C1orf167: variants seen among roughly 807,000 people sequenced by gnomAD.
C1orf167 encodes uncharacterized protein C1orf167.
Under a neutral mutation model 176.5 loss-of-function variants are expected in C1orf167, and 153 were observed. That is an observed-to-expected ratio of 0.87 (90% CI 0.76 to 0.99). The LOEUF (loss-of-function observed/expected upper bound fraction) is 0.99. C1orf167 is among the 50% of genes least tolerant of loss of function. The pLI, the probability that C1orf167 is intolerant of heterozygous loss-of-function variation, is 0.00. For synonymous variants in C1orf167, 594 were observed against 752.7 expected, an observed-to-expected ratio of 0.79 and a Z score of 3.45; for missense variants, 1,490 against 1,817.7, an observed-to-expected ratio of 0.82 and a Z score of 3.28.
chr1:11,783,833 C>G (rs776885047), intron 14 of C1orf167, among the ~76,000 whole-genome samples: 60 of 152,068 alleles, frequency 3.9e-4, no homozygotes, highest in Admixed American at 7.9e-4. Context: ...GAGACAAGCC[C>G]TCCCATGCAT....
At chr1:11,775,698 G>A (rs2100328338) in intron 9 of C1orf167, 88 bp downstream of exon 9, 1 of 1,232,708 alleles carries the variant, frequency 8.1e-7, no homozygotes, top group Non-Finnish European at 1.0e-6. Flanking sequence ...GAATTCTTGT[G>A]GGAGGTGATA....
rs1256410018 is a variant in C1orf167, at chr1:11,780,024, TGGTC to T, written c.2860+17_2860+20del. 4 of 1,262,730 alleles carry T rather than the reference TGGTC, an allele frequency of 3.2e-6. No homozygotes were observed. Among genetic ancestry groups the T allele is most frequent in the East Asian group, 5.8e-5 (1 of 17,386 alleles). 78.2% of individuals were successfully genotyped at this position (1,262,730 alleles called of 1,614,324 possible). ...CCTGTTGGCAGGGTGAGTGGAGACT[TGGTC>T]GGGGGCACTGCGGGTGAGGGCAGGG... On this transcript the variant is annotated intron_variant, in intron 13 of 20. Transcript: ENST00000688073.
chr1:11,789,192 G>A lies in C1orf167; in HGVS notation c.4174-78G>A, dbSNP rs374660279. ...CTGGGGACAAAAGGAGCTGGGTACAGGGGTTGCTCTAGCAGGCACAGCACA... is the reference window on the plus strand; with the variant it reads ...CTGGGGACAAAAGGAGCTGGGTACAAGGGTTGCTCTAGCAGGCACAGCACA... On this transcript the variant is annotated intron_variant, in intron 20 of 20. Coordinates refer to ENST00000688073, the MANE Select transcript of C1orf167 (RefSeq NM_001010881.2). The A allele has an allele frequency of 3.9e-4, 483 of 1,245,524 alleles. 1 individual carries two copies. In the African/African-American group the frequency reaches 7.2e-3, roughly 19 times the overall value. 77.2% of individuals were successfully genotyped at this position (1,245,524 alleles called of 1,614,324 possible). A position where few individuals can be genotyped will look rare whatever the true frequency, so the allele number is the denominator to read the frequency against.
In C1orf167 at chr1:11,788,154, G is replaced by A. The variant is rs886045179; in HGVS notation, c.3854G>A (p.Arg1285His). ...SKAHKRRLRA[R>H]SCRILEKQAQ... is the part of the protein sequence containing the mutation. ...GCTGGGCCCTCTCTGGCCAGTGCTC[G>A]TTCCTGCAGGATCCTGGAAAAGCAG... Residue 1285 changes from arginine to histidine, a missense_variant, in exon 19 of 21, where the codon CGT (arginine) becomes CAT (histidine). By Grantham distance (29) the Arg-to-His change is conservative (BLOSUM62 0). Coordinates refer to ENST00000688073, the MANE Select transcript of C1orf167 (RefSeq NM_001010881.2). 66 of 1,286,474 alleles carry A rather than the reference G, an allele frequency of 5.1e-5. No individual in the cohort carries two copies. Among genetic ancestry groups the A allele is most frequent in the Admixed American group, 9.3e-5 (4 of 43,014 alleles). The allele number at this position is 1,286,474 out of a possible 1,614,324, so 79.7% of individuals were successfully genotyped here. A position where few individuals can be genotyped will look rare whatever the true frequency, so the allele number is the denominator to read the frequency against.
rs572790664 is a variant in C1orf167, at chr1:11,769,873, G to A, written c.1697+746G>A. The stretch of plus-strand genomic sequence containing the variant: ...TTTTTAGTAGAGACGGGGTTTCACC[G>A]TATTAGCCAGGACCTCAAGTGATCC... On this transcript the variant is annotated intron_variant, in intron 6 of 20. Coordinates refer to ENST00000688073, the MANE Select transcript of C1orf167 (RefSeq NM_001010881.2). Among the ~76,000 whole-genome samples the A allele has an allele frequency of 1.4e-4, 22 of 152,020 alleles. No individual in the cohort carries two copies. The South Asian group carries it at 4.4e-3, about 30-fold the overall frequency.
chr1:11,772,984 C>T (rs924288318), intron 8 of C1orf167, among the ~76,000 whole-genome samples: 2 of 150,010 alleles, frequency 1.3e-5, no homozygotes, highest in Admixed American at 6.7e-5. Context: ...CTGCAACCTC[C>T]ACCTCCTGGG....
intron 13 of C1orf167, among the ~76,000 whole-genome samples, chr1:11,781,491 C>T (rs1271080349): frequency 6.6e-6 from 1 of 152,210 alleles, no homozygotes; most frequent in Non-Finnish European, 1.5e-5. Context: ...GCAGGCAGGG[C>T]TGTGGTGGTT....
chr1:11,782,119 C>T, intron 13 of C1orf167, 70 bp from the exon 14 acceptor site: 1 of 1,171,200 alleles, frequency 8.5e-7, no homozygotes. Context: ...GAAGGGCTGG[C>T]TGCGTAGAGG....
Position 11,766,314 on chromosome 1 carries a change from C to A in C1orf167, c.528C>A (p.Thr176=). The A allele has an allele frequency of 7.8e-7, 1 of 1,288,444 alleles. No individual in the cohort carries two copies. The allele number at this position is 1,288,444 out of a possible 1,614,324, so 79.8% of individuals were successfully genotyped here. ...LRQSGLPAPG[T]PSGDFRPTEA... is the part of the protein sequence containing the mutation. ...AGTCCGGGCTGCCGGCCCCAGGCAC[C>A]CCTAGCGGGGACTTCAGGCCCACTG... The change falls in exon 3 of 21, where the codon ACC becomes ACA. Residue 176 remains threonine, a synonymous_variant. Coordinates refer to ENST00000688073, the MANE Select transcript of C1orf167 (RefSeq NM_001010881.2). The surrounding 1 kb of genome is among the most constrained non-coding windows in gnomAD (Gnocchi z 4.5).
At chr1:11,784,697 C>T in intron 15 of C1orf167, 104 bp downstream of exon 15, 1 of 1,147,736 alleles carries the variant, frequency 8.7e-7, no homozygotes, top group South Asian at 1.6e-5. Flanking sequence ...GGTGGCAGGG[C>T]AAAGGCTCAA....
intron 1 of C1orf167, among the ~76,000 whole-genome samples, 175 bp from the exon 2 acceptor site, chr1:11,764,156 G>A (rs904014175): frequency 1.3e-5 from 2 of 152,178 alleles, no homozygotes; most frequent in Admixed American, 6.5e-5. Flanking sequence ...ATGGAAAGGG[G>A]GGTGATAAGT....
intron 12 of C1orf167, chr1:11,779,505 C>T (rs1643491484): frequency 4.2e-6 from 1 of 238,398 alleles, no homozygotes; most frequent in Non-Finnish European, 8.5e-6. Context: ...TCCCCAATGC[C>T]GTGTGTGGCA....
intron 13 of C1orf167, among the ~76,000 whole-genome samples, chr1:11,781,695 G>A (rs1001202687): frequency 6.6e-6 from 1 of 152,262 alleles, no homozygotes; most frequent in South Asian, 2.1e-4. Flanking sequence ...CGGATCACGA[G>A]GTCAGGAGAT....
intron 13 of C1orf167, 86 bp downstream of exon 13, chr1:11,780,096 C>T: frequency 9.5e-7 from 1 of 1,051,826 alleles, no homozygotes; most frequent in Non-Finnish European, 1.2e-6. Context: ...TGGCCAACAA[C>T]TTGACTGTAA....
In C1orf167 at chr1:11,766,511, C is replaced by A; in HGVS notation, c.725C>A (p.Ala242Asp). 1.6e-6 allele frequency: 2 copies of A among 1,276,100 alleles called. No homozygotes were observed. Among genetic ancestry groups the A allele is most frequent in the South Asian group, 1.3e-5 (1 of 78,966 alleles). The allele number at this position is 1,276,100 out of a possible 1,614,324, so 79.0% of individuals were successfully genotyped here. Residue 242 changes from alanine to aspartate, a missense_variant, in exon 3 of 21, where the codon GCT (alanine) becomes GAT (aspartate). Physicochemically the swap from Ala to Asp is moderately radical, Grantham distance 126. Coordinates refer to ENST00000688073, the MANE Select transcript of C1orf167 (RefSeq NM_001010881.2). This position sits in a 1 kb window ranked among gnomAD's most constrained non-coding sequence, Gnocchi z 4.5. ...CGTGCTGCCGTCCACCAGCTGCTGG[C>A]TTCTGTACATTGCCTGGCGCAGGAG... The part of the protein sequence containing the change: ...PSRAAVHQLL[A>D]SVHCLAQEAA...
At position 11,788,217 on chromosome 1, in the gene C1orf167, A is replaced by C. The variant is rs1308666880; in HGVS notation, c.3917A>C (p.Lys1306Thr). 1 of 1,303,390 alleles carries C rather than the reference A, an allele frequency of 7.7e-7. No individual in the cohort carries two copies. Among genetic ancestry groups the C allele is most frequent in the South Asian group, 1.2e-5 (1 of 81,012 alleles). 80.7% of individuals were successfully genotyped at this position (1,303,390 alleles called of 1,614,324 possible). A position where few individuals can be genotyped will look rare whatever the true frequency, so the allele number is the denominator to read the frequency against. The change falls in exon 19 of 21, where the codon AAG (lysine) becomes ACG (threonine). Residue 1306 changes from lysine to threonine, a missense_variant. Lys to Thr is a moderately conservative substitution (Grantham distance 78). Transcript: ENST00000688073. ...GGCTCTGCCCTCCTTCTGGCCCTGA[A>C]GGGTCACGATGCTCTTGGCCATCAG... ...AHGSALLLAL[K>T]GHDALGHQEE... is the part of the protein sequence containing the mutation.
At chr1:11,765,079 A>G (rs1642725515) in intron 2 of C1orf167, among the ~76,000 whole-genome samples, 1 of 149,582 alleles carries the variant, frequency 6.7e-6, no homozygotes, top group African/African-American at 2.5e-5. Flanking sequence ...AAAAAAAAAG[A>G]AAGCCACAGA....
At chr1:11,770,716 C>A (rs927099056) in intron 6 of C1orf167, among the ~76,000 whole-genome samples, 1 of 151,416 alleles carries the variant, frequency 6.6e-6, no homozygotes, top group Non-Finnish European at 1.5e-5. Flanking sequence ...CCTGCCTCAA[C>A]CTACCACAGT....
Position 11,784,369 on chromosome 1 carries a change from G to A in C1orf167, c.3201G>A (p.Gly1067=), listed in dbSNP as rs1401376694. 7.7e-7 allele frequency: 1 copy of A among 1,304,136 alleles called. No homozygotes were observed. The highest frequency in any genetic ancestry group is 1.2e-5 in the South Asian group (1 of 81,010). 80.8% of individuals were successfully genotyped at this position (1,304,136 alleles called of 1,614,324 possible). ...QASLARWRSC[G]QQGQEDGQQK... is the part of the protein sequence containing the mutation. ...CCCTTGCCCGCTGGAGAAGCTGCGG[G>A]CAGCAAGGCCAGGAAGATGGGCAGC... The change falls in exon 15 of 21, where the codon GGG becomes GGA. Residue 1067 remains glycine, a synonymous_variant. Coordinates refer to ENST00000688073, the MANE Select transcript of C1orf167 (RefSeq NM_001010881.2).
Sources: allele counts gnomAD v4.1 joint callset (sites outside exome capture counted in the v4.1 genomes callset), GRCh38; gene constraint gnomAD v4.1.1; non-coding constraint Gnocchi (gnomAD v3.1); transcripts MANE v1.5; gene names NCBI Gene and HGNC (gene_info 2026-07-23, HGNC 2026-07-21).